Variants in IL15RA observed in about 807,000 individuals in gnomAD.
The protein encoded by IL15RA is interleukin 15 receptor subunit alpha, also known as interleukin-15 receptor subunit alpha.
Under a neutral mutation model 24.2 loss-of-function variants are expected in IL15RA, and 26 were observed. The observed-to-expected ratio is 1.07, with a 90% CI of 0.79 to 1.49. The LOEUF is 1.49. Ranked by LOEUF, IL15RA falls within the 40% of genes most tolerant of loss-of-function variation. IL15RA has a pLI of 0.00. For synonymous variants in IL15RA, 166 were observed against 157.6 expected (o/e 1.05, Z -0.40); for missense variants, 354 against 356.4 (o/e 0.99, Z 0.05).
rs986465446 is a variant in IL15RA, at chr10:5,963,334, T to A, written c.382+409A>T. Among the ~76,000 whole-genome samples the A allele has an allele frequency of 3.3e-5, 5 of 152,200 alleles. No individual in the cohort carries two copies. Among genetic ancestry groups the A allele is most frequent in the Admixed American group, 6.5e-5 (1 of 15,284 alleles). On this transcript the variant is annotated intron_variant, in intron 3 of 6. Transcript: ENST00000379977. This position sits in a 1 kb window ranked among gnomAD's most constrained non-coding sequence, Gnocchi z 5.3. The stretch of plus-strand genomic sequence containing the variant: ...GCTGGCTAGGGGACGAGGGAATTGA[T>A]GTAAACATGCTGAAGCTCCCGCTGC...
Position 5,966,322 on chromosome 10 carries a change from G to T in IL15RA, c.106C>A (p.Pro36Thr). 6.2e-7 allele frequency: 1 copy of T among 1,608,886 alleles called. No individual in the cohort carries two copies. The highest frequency in any genetic ancestry group is 8.5e-7 in the Non-Finnish European group (1 of 1,175,568). The stretch of plus-strand genomic sequence containing the variant: ...ATGTCTGCGTGTTCCACGGACATGG[G>T]GGGAGGGCACGTGATGCCTGCGAAA... The part of the protein sequence containing the change: ...PATRGITCPP[P>T]MSVEHADIWV... The change falls in exon 2 of 7, where the codon CCC (proline) becomes ACC (threonine). Residue 36 changes from proline to threonine, a missense_variant. By Grantham distance (38) the Pro-to-Thr change is conservative (BLOSUM62 -1). Coordinates refer to ENST00000379977, the MANE Select transcript of IL15RA (RefSeq NM_002189.4). The surrounding 1 kb of genome is among the most constrained non-coding windows in gnomAD (Gnocchi z 6.4).
At position 5,968,575 on chromosome 10, in the gene IL15RA, C is replaced by T; in HGVS notation, c.89-2236G>A. The stretch of plus-strand genomic sequence containing the variant: ...CAAGTTGTTGAGGTGGATTTGGATG[C>T]TGCTGTTGCTATGGTTACCTGCAGA... On this transcript the variant is annotated intron_variant, in intron 1 of 6. Coordinates refer to ENST00000379977, the MANE Select transcript of IL15RA (RefSeq NM_002189.4). This position sits in a 1 kb window ranked among gnomAD's most constrained non-coding sequence, Gnocchi z 5.4. 2 of 577,010 alleles carry T rather than the reference C, an allele frequency of 3.5e-6. No individual in the cohort carries two copies. The highest frequency in any genetic ancestry group is 1.9e-5 in the African/African-American group (1 of 53,578). 35.7% of individuals were successfully genotyped at this position (577,010 alleles called of 1,614,324 possible). A position where few individuals can be genotyped will look rare whatever the true frequency, so the allele number is the denominator to read the frequency against.
In IL15RA at chr10:5,964,429, A is replaced by G. The variant is rs972965156; in HGVS notation, c.284-588T>C. On this transcript the variant is annotated intron_variant, in intron 2 of 6. Transcript: ENST00000379977. The surrounding 1 kb of genome is among the most constrained non-coding windows in gnomAD (Gnocchi z 5.6). ...AAATCCCTCCCATCTCGGCCTCCCAAAGTGCTGGGATTACAGGTGTAAGCC... is the reference window on the plus strand; with the variant it reads ...AAATCCCTCCCATCTCGGCCTCCCAGAGTGCTGGGATTACAGGTGTAAGCC... Among the ~76,000 whole-genome samples the G allele has an allele frequency of 1.3e-5, 2 of 152,160 alleles. No homozygotes were observed. The highest frequency in any genetic ancestry group is 6.5e-5 in the Admixed American group (1 of 15,280).
rs1835935810 is a variant in IL15RA at position 5,963,431 on chromosome 10, T to G, written c.382+312A>C. On this transcript the variant is annotated intron_variant, in intron 3 of 6. Coordinates refer to ENST00000379977, the MANE Select transcript of IL15RA (RefSeq NM_002189.4). This position sits in a 1 kb window ranked among gnomAD's most constrained non-coding sequence, Gnocchi z 5.3. ...TGAAAATGTTGAGGGCTAACACACA[T>G]GCAACCTCAAACCTCAGTCTGCTTT... 6.6e-6 allele frequency among the ~76,000 whole-genome samples: 1 copy of G among 152,216 alleles called. No individual in the cohort carries two copies. Among genetic ancestry groups the G allele is most frequent in the African/African-American group, 2.4e-5 (1 of 41,450 alleles).
At chr10:5,957,801 AG>A (rs1466304119) in intron 5 of IL15RA, among the ~76,000 whole-genome samples, 1 of 152,152 alleles carries the variant, frequency 6.6e-6, no homozygotes, top group East Asian at 1.9e-4. Context: ...TATGTTGGCC[AG>A]GCTGGTCTCG....
At chr10:5,978,665 G>A (rs1023600487), upstream of IL15RA, among the ~76,000 whole-genome samples, 3 of 152,188 alleles carry the variant, frequency 2.0e-5, no homozygotes, top group African/African-American at 7.2e-5. The surrounding 1 kb of genome is among the most constrained non-coding windows in gnomAD (Gnocchi z 5.2). Context: ...GGAGGCCAAG[G>A]CAGGTGGATC....
At position 5,958,267 on chromosome 10, in the gene IL15RA, C is replaced by T; in HGVS notation, c.616+1487G>A. 1 of 448,844 alleles carries T rather than the reference C, an allele frequency of 2.2e-6. No individual in the cohort carries two copies. Among genetic ancestry groups the T allele is most frequent in the South Asian group, 1.6e-5 (1 of 63,528 alleles). 27.8% of individuals were successfully genotyped at this position (448,844 alleles called of 1,614,324 possible). A position where few individuals can be genotyped will look rare whatever the true frequency, so the allele number is the denominator to read the frequency against. On this transcript the variant is annotated intron_variant, in intron 5 of 6. Transcript: ENST00000379977. This position sits in a 1 kb window ranked among gnomAD's most constrained non-coding sequence, Gnocchi z 4.3. ...GAAAAGGAGAAAAGAAGCAACTGTC[C>T]AGCATTCCTTATCCTCTATATGTTT...
upstream of IL15RA, chr10:5,977,558 G>T: frequency 7.9e-7 from 1 of 1,272,442 alleles, no homozygotes. Context: ...GGGGGAGGTG[G>T]CGAGCGCTGC....
chr10:5,956,845 C>A (rs1225503157), intron 5 of IL15RA, among the ~76,000 whole-genome samples: 1 of 152,162 alleles, frequency 6.6e-6, no homozygotes, highest in Non-Finnish European at 1.5e-5. Flanking sequence ...CAGGGACACA[C>A]CCCTCCTCTG....
downstream of IL15RA, chr10:5,949,356 G>T (rs991413799): frequency 4.2e-6 from 2 of 470,902 alleles, no homozygotes; most frequent in Non-Finnish European, 8.8e-6. The surrounding 1 kb of genome is among the most constrained non-coding windows in gnomAD (Gnocchi z 4.4). Context: ...GGGAAGTAAA[G>T]TGTCAATTAA....
At chr10:5,954,210 C>T (rs1341987724) in intron 6 of IL15RA, among the ~76,000 whole-genome samples, 1 of 132,302 alleles carries the variant, frequency 7.6e-6, no homozygotes, top group Non-Finnish European at 1.6e-5. Flanking sequence ...CTTGCTCTGT[C>T]TCCCAGGCTG....
chr10:5,959,919 C>T lies in IL15RA; in HGVS notation c.584-133G>A, dbSNP rs539974877. The stretch of plus-strand genomic sequence containing the variant: ...GACTCGTGGCTGGCGTAACCAGACT[C>T]ATTTTAGCAAAGAACAAGCAGGGTA... On this transcript the variant is annotated intron_variant, in intron 4 of 6. Coordinates refer to ENST00000379977, the MANE Select transcript of IL15RA (RefSeq NM_002189.4). The surrounding 1 kb of genome is among the most constrained non-coding windows in gnomAD (Gnocchi z 4.1). The T allele has an allele frequency of 1.3e-6, 1 of 776,584 alleles. No individual in the cohort carries two copies. Among genetic ancestry groups the T allele is most frequent in the East Asian group, 2.6e-5 (1 of 37,950 alleles). The allele number at this position is 776,584 out of a possible 1,614,324, so 48.1% of individuals were successfully genotyped here. A position where few individuals can be genotyped will look rare whatever the true frequency, so the allele number is the denominator to read the frequency against.
In IL15RA at chr10:5,973,318, G is replaced by C. The variant is rs543819411; in HGVS notation, c.88+4087C>G. 6.6e-6 allele frequency among the ~76,000 whole-genome samples: 1 copy of C among 152,286 alleles called. No homozygotes were observed. The highest frequency in any genetic ancestry group is 2.1e-4 in the South Asian group (1 of 4,832). On this transcript the variant is annotated intron_variant, in intron 1 of 6. Transcript: ENST00000379977. This position sits in a 1 kb window ranked among gnomAD's most constrained non-coding sequence, Gnocchi z 4.5. ...TTGTTCCTTAATTTCTCTAAGCAAT[G>C]CTTTGTAGTTTTCCATATATGAAAG...
At chr10:5,954,457 A>G (rs1156697867) in intron 6 of IL15RA, among the ~76,000 whole-genome samples, 1 of 150,396 alleles carries the variant, frequency 6.6e-6, no homozygotes, top group East Asian at 1.9e-4. Context: ...CTTTTTAAAA[A>G]TTAGATTTTT....
chr10:5,972,624 A>G (rs544650217), intron 1 of IL15RA, among the ~76,000 whole-genome samples: 3 of 152,364 alleles, frequency 2.0e-5, no homozygotes, highest in African/African-American at 7.2e-5. Flanking sequence ...AAAATAAGAA[A>G]GGGCAGACAA....
At position 5,964,356 on chromosome 10, in the gene IL15RA, A is replaced by G. The variant is rs904426149; in HGVS notation, c.284-515T>C. ...ATCTTTTAATTTTTTTGGTAGAGAC[A>G]GGGTCTTGCTATGTTGCTGAGGCTG... On this transcript the variant is annotated intron_variant, in intron 2 of 6. Coordinates refer to ENST00000379977, the MANE Select transcript of IL15RA (RefSeq NM_002189.4). The surrounding 1 kb of genome is among the most constrained non-coding windows in gnomAD (Gnocchi z 5.6). Among the ~76,000 whole-genome samples the G allele has an allele frequency of 1.3e-5, 2 of 152,106 alleles. No individual in the cohort carries two copies. The highest frequency in any genetic ancestry group is 4.8e-5 in the African/African-American group (2 of 41,430).
In IL15RA at chr10:5,953,268, C is replaced by A. The variant is rs758478295; in HGVS notation, c.693-62G>T. The A allele has an allele frequency of 5.3e-5, 63 of 1,187,846 alleles. No individual in the cohort carries two copies. The Middle Eastern group carries it at 1.1e-3, about 22-fold the overall frequency. The allele number at this position is 1,187,846 out of a possible 1,614,324, so 73.6% of individuals were successfully genotyped here. A position where few individuals can be genotyped will look rare whatever the true frequency, so the allele number is the denominator to read the frequency against. ...AGGGGGTTGCCCTCAAATCAACAGA[C>A]GCTTCCCACTGAGCATGTATGTCCA... is the stretch of plus-strand genomic sequence containing the variant. On this transcript the variant is annotated intron_variant, in intron 6 of 6. Transcript: ENST00000379977. This position sits in a 1 kb window ranked among gnomAD's most constrained non-coding sequence, Gnocchi z 5.3.
In IL15RA at chr10:5,966,200, C is replaced by G. The variant is rs770191515; in HGVS notation, c.228G>C (p.Val76=). The G allele has an allele frequency of 2.4e-5, 39 of 1,613,878 alleles. No individual in the cohort carries two copies. In the East Asian group the frequency reaches 8.0e-4, roughly 33 times the overall value. Residue 76 remains valine (V), a synonymous_variant, in exon 2 of 7, where the codon GTG becomes GTC. Coordinates refer to ENST00000379977, the MANE Select transcript of IL15RA (RefSeq NM_002189.4). This position sits in a 1 kb window ranked among gnomAD's most constrained non-coding sequence, Gnocchi z 6.4. ...GGGCGACATTCGTGGCCTTGTTCAACACGCACTCCGTCAGGCTGGACGTGC... is the reference window on the plus strand; with the variant it reads ...GGGCGACATTCGTGGCCTTGTTCAAGACGCACTCCGTCAGGCTGGACGTGC... ...KAGTSSLTEC[V]LNKATNVAHW...
rs1249258962 is a variant in IL15RA, at chr10:5,970,755, T to C, written c.89-4416A>G. Among the ~76,000 whole-genome samples, 1 of 149,980 alleles carries C rather than the reference T, an allele frequency of 6.7e-6. No individual in the cohort carries two copies. The highest frequency in any genetic ancestry group is 2.5e-5 in the African/African-American group (1 of 40,202). ...TTCATTATTATTTTATTTTATTTTA[T>C]TTTATTTTATTTTATTTTATTTTGA... On this transcript the variant is annotated intron_variant, in intron 1 of 6. Transcript: ENST00000379977. This position sits in a 1 kb window ranked among gnomAD's most constrained non-coding sequence, Gnocchi z 4.1.
Sources: allele counts gnomAD v4.1 joint callset (sites outside exome capture counted in the v4.1 genomes callset), GRCh38; gene constraint gnomAD v4.1.1; non-coding constraint Gnocchi (gnomAD v3.1); transcripts MANE v1.5; gene names NCBI Gene and HGNC (gene_info 2026-07-23, HGNC 2026-07-21).